The following KAZN variants were observed in gnomAD, a reference collection of about 807,000 sequenced individuals.
The protein encoded by KAZN is kazrin.
Under a neutral mutation model 87.4 loss-of-function variants are expected in KAZN, and 40 were observed. That is an observed-to-expected ratio of 0.46 (90% CI 0.36 to 0.60). KAZN has a LOEUF of 0.60. KAZN is among the 20% of genes least tolerant of loss of function. The pLI is 0.00. For missense variants in KAZN, 898 were observed against 1,073.9 expected, an observed-to-expected ratio of 0.84 and a Z score of 2.29; for synonymous variants, 466 against 458.3, an observed-to-expected ratio of 1.02 and a Z score of -0.22.
rs1665801829 is a variant in KAZN at position 14,427,533 on chromosome 1, C to CAG, written c.250-171449_250-171448dup. ...ATTTAAACACACACACACACACACA[C>CAG]AGTATACATGTAGACATGTATACTA... is the stretch of plus-strand genomic sequence containing the variant. On this transcript the variant is annotated intron_variant, in intron 2 of 16. Coordinates refer to the KAZN transcript ENST00000636203. 2.6e-5 allele frequency among the ~76,000 whole-genome samples: 4 copies of CAG among 151,854 alleles called. No individual in the cohort carries two copies. In the South Asian group the frequency reaches 8.3e-4, roughly 32 times the overall value.
intron 1 of KAZN, among the ~76,000 whole-genome samples, chr1:14,748,429 CA>C (rs1000874983): frequency 1.4e-4 from 21 of 152,114 alleles, no homozygotes; most frequent in African/African-American, 5.1e-4. Flanking sequence ...TGATTTGGGG[CA>C]AGCTGACCTT....
At chr1:15,023,200 G>A (rs1269427389) in intron 2 of KAZN, among the ~76,000 whole-genome samples, 1 of 152,210 alleles carries the variant, frequency 6.6e-6, no homozygotes, top group Non-Finnish European at 1.5e-5. Flanking sequence ...GGAACAAGCT[G>A]CATTGAATTC....
chr1:14,791,013 CA>C (rs1407989084), intron 1 of KAZN, among the ~76,000 whole-genome samples: 2 of 152,182 alleles, frequency 1.3e-5, no homozygotes, highest in Non-Finnish European at 2.9e-5. Context: ...CAAGGGAGGG[CA>C]GGCTGGATTC....
chr1:14,255,408 CT>C (rs1650429572), intron 2 of KAZN, among the ~76,000 whole-genome samples: 1 of 152,052 alleles, frequency 6.6e-6, no homozygotes, highest in Admixed American at 6.6e-5. Flanking sequence ...GTTTCATGAT[CT>C]TTTTTTAGAT....
chr1:15,035,028 C>G, intron 3 of KAZN, 143 bp downstream of exon 3: 1 of 1,027,278 alleles, frequency 9.7e-7, no homozygotes, highest in Non-Finnish European at 1.4e-6. Flanking sequence ...CAGGCCTAGG[C>G]ACCGAGATAA....
intron 1 of KAZN, among the ~76,000 whole-genome samples, chr1:14,051,068 C>T (rs746080509): frequency 1.1e-4 from 16 of 152,038 alleles, no homozygotes; most frequent in Non-Finnish European, 2.1e-4. Flanking sequence ...CTGAGCACAA[C>T]AAAGACACTT....
intron 2 of KAZN, among the ~76,000 whole-genome samples, chr1:14,372,953 G>T (rs1269405473): frequency 1.3e-5 from 2 of 152,114 alleles, no homozygotes; most frequent in East Asian, 3.9e-4. Flanking sequence ...GATAGAGATA[G>T]AAACTAATAC....
chr1:14,217,424 A>C (rs1474276707), intron 2 of KAZN, among the ~76,000 whole-genome samples: 1 of 152,198 alleles, frequency 6.6e-6, no homozygotes, highest in South Asian at 2.1e-4. Flanking sequence ...TAAAAAAAAA[A>C]CCTAAGAAAA....
At chr1:14,593,325 A>G (rs1015135430) in intron 2 of KAZN, among the ~76,000 whole-genome samples, 1 of 152,252 alleles carries the variant, frequency 6.6e-6, no homozygotes, top group Non-Finnish European at 1.5e-5. Flanking sequence ...AACTCTTTGG[A>G]GAAGCATCTA....
rs1391371014 is a variant in KAZN at position 14,236,766 on chromosome 1, A to G, written c.249+56174A>G. ...AACCTGGTCTCTATTAAAAAACAAC[A>G]ACAACAAAAGAGCCGGGTGTGGTGG... is the stretch of plus-strand genomic sequence containing the variant. On this transcript the variant is annotated intron_variant, in intron 2 of 16. Transcript: ENST00000636203. Among the ~76,000 whole-genome samples the G allele has an allele frequency of 2.6e-5, 4 of 152,010 alleles. No homozygotes were observed. In the East Asian group the frequency reaches 7.7e-4, roughly 29 times the overall value.
At chr1:13,952,664 G>A (rs1050874767) in intron 1 of KAZN, among the ~76,000 whole-genome samples, 38 of 151,848 alleles carry the variant, frequency 2.5e-4, no homozygotes, top group Non-Finnish European at 4.7e-4. Context: ...ACCCCCGATC[G>A]CTTTCAGAAC....
chr1:13,967,225 C>T (rs1641978090), intron 1 of KAZN, among the ~76,000 whole-genome samples: 1 of 152,168 alleles, frequency 6.6e-6, no homozygotes, highest in Non-Finnish European at 1.5e-5. Flanking sequence ...TCTTACCTAA[C>T]TGTGGTTGGC....
intron 2 of KAZN, among the ~76,000 whole-genome samples, chr1:14,235,607 A>T (rs142882072): frequency 6.6e-6 from 1 of 152,346 alleles, no homozygotes; most frequent in East Asian, 1.9e-4. Context: ...ATTTTGTGGT[A>T]CGTGAATTAT....
Position 15,094,747 on chromosome 1 carries a change from C to T in KAZN, c.1429-68C>T, listed in dbSNP as rs1640725462. On this transcript the variant is annotated intron_variant, in intron 9 of 14. Transcript: ENST00000376030. The surrounding 1 kb of genome is among the most constrained non-coding windows in gnomAD (Gnocchi z 4.5). ...GGGAAGGAGCCCCATGTCAACAGAC[C>T]CCCTCTAGGGCAGGAACCCCGCCGG... 10 of 1,177,738 alleles carry T rather than the reference C, an allele frequency of 8.5e-6. No individual in the cohort carries two copies. The highest frequency in any genetic ancestry group is 1.1e-5 in the Non-Finnish European group (9 of 821,742). The allele number at this position is 1,177,738 out of a possible 1,614,324, so 73.0% of individuals were successfully genotyped here. A position where few individuals can be genotyped will look rare whatever the true frequency, so the allele number is the denominator to read the frequency against.
intron 2 of KAZN, among the ~76,000 whole-genome samples, chr1:14,414,442 A>G (rs768474311): frequency 2.0e-5 from 3 of 152,160 alleles, no homozygotes; most frequent in Non-Finnish European, 4.4e-5. Context: ...TAGTGTACTC[A>G]CATAATGTCA....
chr1:14,983,308 A>G (rs2101905294), intron 2 of KAZN, among the ~76,000 whole-genome samples: 1 of 152,328 alleles, frequency 6.6e-6, no homozygotes, highest in African/African-American at 2.4e-5. Flanking sequence ...ACTTGACGCT[A>G]GAGCCGGAGC....
chr1:14,795,162 C>T (rs1463372614), intron 1 of KAZN, among the ~76,000 whole-genome samples: 1 of 152,192 alleles, frequency 6.6e-6, no homozygotes, highest in Middle Eastern at 3.4e-3. Flanking sequence ...TTTGTGGGGA[C>T]TTTGTCTTGT....
At chr1:14,540,872 G>A (rs1175098871) in intron 2 of KAZN, among the ~76,000 whole-genome samples, 1 of 152,154 alleles carries the variant, frequency 6.6e-6, no homozygotes, top group African/African-American at 2.4e-5. Context: ...ATAAATGCAT[G>A]CATATCTCCA....
intron 3 of KAZN, among the ~76,000 whole-genome samples, chr1:15,041,656 A>C (rs1448468244): frequency 2.0e-5 from 3 of 151,956 alleles, no homozygotes; most frequent in African/African-American, 7.2e-5. Context: ...TCTTATGTCC[A>C]TGTGATCCCC....
Sources: allele counts gnomAD v4.1 joint callset (sites outside exome capture counted in the v4.1 genomes callset), GRCh38; gene constraint gnomAD v4.1.1; non-coding constraint Gnocchi (gnomAD v3.1); transcripts MANE v1.5; gene names NCBI Gene and HGNC (gene_info 2026-07-23, HGNC 2026-07-21).